The following CERKL variants were observed in gnomAD, a reference collection of about 807,000 sequenced individuals.
CERKL encodes the protein CERK like autophagy regulator, also known as ceramide kinase-like protein.
Under a neutral mutation model 63.4 loss-of-function variants are expected in CERKL, and 61 were observed. That is an observed-to-expected ratio of 0.96 (90% CI 0.78 to 1.19). CERKL has a LOEUF of 1.19. Among genes scored for constraint, CERKL ranks in the 50% most tolerant of loss-of-function variants. The pLI, the probability that CERKL is intolerant of heterozygous loss-of-function variation, is 0.00. For missense variants in CERKL, 675 were observed against 655.5 expected (o/e 1.03, Z -0.33); for synonymous variants, 250 against 230.5 (o/e 1.08, Z -0.77).
intron 1 of CERKL, among the ~76,000 whole-genome samples, chr2:181,618,037 C>T (rs1369146353): frequency 2.0e-5 from 3 of 152,098 alleles, no homozygotes; most frequent in African/African-American, 7.2e-5. Context: ...AGTCAAATAC[C>T]ACATGTTCTC....
rs3863935 is a variant in CERKL at position 181,613,658 on chromosome 2, A to G, written c.239-9579T>C. On this transcript the variant is annotated intron_variant, in intron 1 of 12. Coordinates refer to ENST00000410087, the MANE Select transcript of CERKL (RefSeq NM_201548.5). ...AAGAAATATTTAGTTCTTATTTGAA[A>G]TTAGTAATTTGTGAATTCTTTTACA... 8.2e-3 allele frequency among the ~76,000 whole-genome samples: 1,245 copies of G among 152,366 alleles called. 15 individuals carry two copies. Among genetic ancestry groups the G allele is most frequent in the African/African-American group, 0.026 (1,068 of 41,590 alleles).
At chr2:181,547,542 A>G (rs901824327) in intron 10 of CERKL, 76 bp downstream of exon 10, 1 of 1,135,650 alleles carries the variant, frequency 8.8e-7, no homozygotes, top group Non-Finnish European at 1.3e-6. Flanking sequence ...TAGCTAACCA[A>G]CAGTTAATTG....
intron 1 of CERKL, among the ~76,000 whole-genome samples, chr2:181,651,015 A>T (rs958675971): frequency 6.6e-6 from 1 of 152,224 alleles, no homozygotes; most frequent in East Asian, 1.9e-4. Flanking sequence ...ACCAATAATA[A>T]GTGAGGAAAT....
chr2:181,580,946 A>T (rs944731349), intron 2 of CERKL, among the ~76,000 whole-genome samples: 3 of 152,038 alleles, frequency 2.0e-5, no homozygotes, highest in African/African-American at 7.2e-5. Flanking sequence ...ATCTGTTTAG[A>T]TTTCCTATGT....
intron 1 of CERKL, among the ~76,000 whole-genome samples, chr2:181,618,513 G>C (rs1361205420): frequency 6.6e-6 from 1 of 151,844 alleles, no homozygotes; most frequent in South Asian, 2.1e-4. Context: ...ATCTCCCTGG[G>C]TTCAAGTGAT....
In CERKL at chr2:181,537,603, A is replaced by T; in HGVS notation, c.*581T>A. 1 of 430,636 alleles carries T rather than the reference A, an allele frequency of 2.3e-6. No homozygotes were observed. The highest frequency in any genetic ancestry group is 1.7e-5 in the South Asian group (1 of 59,142). 26.7% of individuals were successfully genotyped at this position (430,636 alleles called of 1,614,324 possible). On this transcript the variant is annotated 3_prime_UTR_variant, in exon 13 of 13. Coordinates refer to ENST00000410087, the MANE Select transcript of CERKL (RefSeq NM_201548.5). ...ATCTGTATTATATTTGTAACAGAATATAGGAAATTTAACATAATTGATGAG... is the reference window on the plus strand; with the variant it reads ...ATCTGTATTATATTTGTAACAGAATTTAGGAAATTTAACATAATTGATGAG...
chr2:181,563,517 A>G (rs1688531246), intron 4 of CERKL, among the ~76,000 whole-genome samples: 1 of 151,574 alleles, frequency 6.6e-6, no homozygotes, highest in African/African-American at 2.4e-5. Context: ...TAGTTCCACT[A>G]GTGTCAGACG....
chr2:181,652,375 C>T (rs1193842793), intron 1 of CERKL, among the ~76,000 whole-genome samples: 1 of 152,078 alleles, frequency 6.6e-6, no homozygotes, highest in Non-Finnish European at 1.5e-5. Context: ...TTTAAGATGT[C>T]AAGAACATGC....
chr2:181,614,771 C>T (rs1686121267), intron 1 of CERKL, among the ~76,000 whole-genome samples: 1 of 152,032 alleles, frequency 6.6e-6, no homozygotes, highest in Non-Finnish European at 1.5e-5. Flanking sequence ...AAAAAATCAC[C>T]ACATACTTTG....
At chr2:181,590,901 C>T (rs569027695) in intron 2 of CERKL, among the ~76,000 whole-genome samples, 21 of 152,124 alleles carry the variant, frequency 1.4e-4, no homozygotes, top group Admixed American at 1.4e-3. Flanking sequence ...ATGTGCTTAA[C>T]CTTTAACCCA....
At chr2:181,624,126 G>A (rs1559111511) in intron 1 of CERKL, among the ~76,000 whole-genome samples, 1 of 152,150 alleles carries the variant, frequency 6.6e-6, no homozygotes, top group Non-Finnish European at 1.5e-5. Flanking sequence ...CATAAGAGTA[G>A]AGGGATCAGG....
At chr2:181,541,135 C>T (rs540026948) in intron 11 of CERKL, among the ~76,000 whole-genome samples, 9 of 152,218 alleles carry the variant, frequency 5.9e-5, no homozygotes, top group South Asian at 4.1e-4. Flanking sequence ...TTTAAAGAGA[C>T]GATTAAGCTA....
chr2:181,569,322 A>C (rs1157795104), intron 3 of CERKL, among the ~76,000 whole-genome samples: 1 of 152,172 alleles, frequency 6.6e-6, no homozygotes, highest in Admixed American at 6.6e-5. Flanking sequence ...AATGCAGGTA[A>C]AATTGGAAGG....
At chr2:181,651,701 A>G (rs1687946361) in intron 1 of CERKL, among the ~76,000 whole-genome samples, 1 of 150,156 alleles carries the variant, frequency 6.7e-6, no homozygotes, top group Non-Finnish European at 1.5e-5. Context: ...AGTAACGAGC[A>G]TCCAAATTAG....
intron 2 of CERKL, among the ~76,000 whole-genome samples, chr2:181,577,073 G>A (rs1684263628): frequency 6.6e-6 from 1 of 152,164 alleles, no homozygotes; most frequent in African/African-American, 2.4e-5. Flanking sequence ...GGTGTGGTCT[G>A]CAGATTCATA....
chr2:181,567,353 A>C (rs962096757), intron 3 of CERKL, among the ~76,000 whole-genome samples: 4 of 152,146 alleles, frequency 2.6e-5, no homozygotes, highest in Non-Finnish European at 5.9e-5. Context: ...ATCATGAAAA[A>C]ATATTTATGC....
chr2:181,625,223 T>C (rs1414354081), intron 1 of CERKL, among the ~76,000 whole-genome samples: 2 of 152,106 alleles, frequency 1.3e-5, no homozygotes, highest in African/African-American at 4.8e-5. Context: ...AGACTCTTAG[T>C]AGGTCAAGTC....
Position 181,547,725 on chromosome 2 carries a change from G to A in CERKL, c.1161C>T (p.Asp387=). The change falls in exon 10 of 13, where the codon GAC becomes GAT. Residue 387 remains aspartate, a splice_region_variant and synonymous_variant. Transcript: ENST00000410087. The part of the protein sequence containing the change: ...ERRAQGSPKS[D]CNDQWQMIQG... The stretch of plus-strand genomic sequence containing the variant: ...GGATCATTTGCCATTGATCATTACA[G>A]TCTAAAGGTAATGAAAGTGATTGGT... 1 of 1,613,102 alleles carries A rather than the reference G, an allele frequency of 6.2e-7. No homozygotes were observed. The highest frequency in any genetic ancestry group is 1.1e-5 in the South Asian group (1 of 91,062).
intron 10 of CERKL, among the ~76,000 whole-genome samples, chr2:181,545,962 T>C (rs1324300583): frequency 7.2e-5 from 11 of 152,148 alleles, no homozygotes; most frequent in Admixed American, 7.2e-4. Context: ...ACTGGCAATT[T>C]GCACTGAGAT....
Sources: gnomAD v4.1 joint callset for allele counts (sites outside exome capture counted in the v4.1 genomes callset) on GRCh38, gnomAD v4.1.1 for gene constraint, MANE v1.5 for transcripts, NCBI Gene and HGNC (gene_info 2026-07-23, HGNC 2026-07-21) for gene names.